The following SYCE1L variants were observed in gnomAD, a reference collection of about 807,000 sequenced individuals.
The protein encoded by SYCE1L is synaptonemal complex central element protein 1-like.
A neutral mutation model predicts 39.6 loss-of-function variants in SYCE1L; 51 were observed. The observed-to-expected ratio is 1.29, with a 90% CI of 1.03 to 1.63. The LOEUF is 1.63. Among genes scored for constraint, SYCE1L ranks in the 40% most tolerant of loss-of-function variants. SYCE1L has a pLI of 0.00. For synonymous variants in SYCE1L, 147 were observed against 122.4 expected (o/e 1.20, Z -1.33); for missense variants, 426 against 304.9 (o/e 1.40, Z -2.96).
chr16:77,212,501 G>C, intron 9 of SYCE1L, 73 bp from the exon 10 acceptor site: 1 of 1,538,834 alleles, frequency 6.5e-7, no homozygotes, highest in Non-Finnish European at 8.7e-7. Flanking sequence ...GGGTCTCCGC[G>C]TCTCGGTGGC....
chr16:77,212,144 A>G lies in SYCE1L; in HGVS notation c.438A>G (p.Arg146=), dbSNP rs1220581631. 9 of 1,548,668 alleles carry G rather than the reference A, an allele frequency of 5.8e-6. No individual in the cohort carries two copies. Among genetic ancestry groups the G allele is most frequent in the Middle Eastern group, 1.9e-4 (1 of 5,210 alleles). ...TGTCCTCGCAGATGCTGGAGCAGCG[A>G]CTGGCCCGGGAGATCCGTGCCCTGG... is the stretch of plus-strand genomic sequence containing the variant. ...DLWEFHMLEQ[R]LAREIRALER... Residue 146 remains arginine (R), a synonymous_variant, in exon 8 of 11, where the codon CGA becomes CGG. Transcript: ENST00000378644.
intron 2 of SYCE1L, among the ~76,000 whole-genome samples, 153 bp downstream of exon 2, chr16:77,206,653 G>T (rs1344356804): frequency 6.6e-6 from 1 of 152,028 alleles, no homozygotes; most frequent in Non-Finnish European, 1.5e-5. Flanking sequence ...CAAGAATACA[G>T]TCCCACAGTT....
intron 7 of SYCE1L, 21 bp from the exon 8 acceptor site, chr16:77,212,109 G>C: frequency 1.9e-6 from 3 of 1,544,824 alleles, no homozygotes; most frequent in Non-Finnish European, 2.6e-6. Flanking sequence ...AAACGGGGAG[G>C]CCTCCTCTTT....
intron 4 of SYCE1L, 115 bp from the exon 5 acceptor site, chr16:77,208,982 C>T (rs1398781532): frequency 8.7e-7 from 1 of 1,151,576 alleles, no homozygotes; most frequent in Non-Finnish European, 1.3e-6. Flanking sequence ...CAAGAAGATA[C>T]CTCACCTCTC....
At chr16:77,208,328 AT>A (rs1411597957) in intron 3 of SYCE1L, 59 bp downstream of exon 3, 3 of 1,545,218 alleles carry the variant, frequency 1.9e-6, no homozygotes, top group Non-Finnish European at 2.6e-6. Flanking sequence ...TGGATTTATA[AT>A]GAATCCACCT....
chr16:77,208,467 A>G lies in SYCE1L; in HGVS notation c.184A>G (p.Lys62Glu). ...GTCTTTTTCCCTTCTTGGCCCAGCA[A>G]AGAAGAAATCCAGTGAGGAACTGAG... The part of the protein sequence containing the change: ...ISRINDLQQA[K>E]KKSSEELRET... Residue 62 changes from lysine to glutamate, a missense_variant and splice_region_variant, in exon 4 of 11, where the codon AAG becomes GAG. Physicochemically the swap from Lys to Glu is moderately conservative, Grantham distance 56 (BLOSUM62 1). Coordinates refer to ENST00000378644, the MANE Select transcript of SYCE1L (RefSeq NM_001129979.3). 6.4e-7 allele frequency: 1 copy of G among 1,551,726 alleles called. No individual in the cohort carries two copies. Among genetic ancestry groups the G allele is most frequent in the East Asian group, 2.4e-5 (1 of 40,922 alleles).
chr16:77,202,226 G>A (rs946671015), intron 1 of SYCE1L: 4 of 152,158 alleles, frequency 2.6e-5, no homozygotes, highest in Non-Finnish European at 5.9e-5. Context: ...TTGTATATAG[G>A]AAATAGACAC....
chr16:77,206,350 T>G (rs1161758170), intron 1 of SYCE1L, 91 bp from the exon 2 acceptor site: 1 of 1,118,398 alleles, frequency 8.9e-7, no homozygotes, highest in Non-Finnish European at 1.3e-6. Flanking sequence ...AGCCCACGGG[T>G]GTCTGCAGAG....
chr16:77,205,044 C>CA lies in SYCE1L; in HGVS notation c.62-1381dup, dbSNP rs1451754899. Among the ~76,000 whole-genome samples, 38 of 123,258 alleles carry CA rather than the reference C, an allele frequency of 3.1e-4. 2 individuals are homozygous for CA. The highest frequency in any genetic ancestry group is 4.2e-4 in the Non-Finnish European group (25 of 60,048). 80.9% of individuals were successfully genotyped at this position (123,258 alleles called of 152,430 possible). On this transcript the variant is annotated intron_variant, in intron 1 of 10. Coordinates refer to ENST00000378644, the MANE Select transcript of SYCE1L (RefSeq NM_001129979.3). ...TGGGTGACAAAGCGAGACTCCATCT[C>CA]AAAAAAAAAAAAAAAAGAAAAGAAA...
chr16:77,212,554 C>T lies in SYCE1L; in HGVS notation c.582-20C>T, dbSNP rs780771366. The T allele has an allele frequency of 7.8e-6, 12 of 1,536,996 alleles. No homozygotes were observed. In the South Asian group the frequency reaches 1.3e-4, roughly 17 times the overall value. On this transcript the variant is annotated intron_variant, in intron 9 of 10. Coordinates refer to ENST00000378644, the MANE Select transcript of SYCE1L (RefSeq NM_001129979.3). ...GACTCTCGCTCTCTTCCTCCTGTCT[C>T]CTCGGCCCCTTCTCCGCAGGCTGAA...
At chr16:77,208,395 T>C (rs1455373180) in intron 3 of SYCE1L, 70 bp from the exon 4 acceptor site, 1 of 1,545,544 alleles carries the variant, frequency 6.5e-7, no homozygotes, top group African/African-American at 1.4e-5. Flanking sequence ...CTGTGCAATG[T>C]CATATTTGCG....
chr16:77,212,157 A>T lies in SYCE1L; in HGVS notation c.451A>T (p.Ile151Phe), dbSNP rs766437582. ...HMLEQRLARE[I>F]RALERSKEQL... The stretch of plus-strand genomic sequence containing the variant: ...GCTGGAGCAGCGACTGGCCCGGGAG[A>T]TCCGTGCCCTGGAGAGAAGCAAGGA... Residue 151 changes from isoleucine to phenylalanine, a missense_variant, in exon 8 of 11, where the codon ATC (isoleucine) becomes TTC (phenylalanine). Ile to Phe is a conservative substitution (Grantham distance 21, BLOSUM62 0). Transcript: ENST00000378644. 1 of 1,548,824 alleles carries T rather than the reference A, an allele frequency of 6.5e-7. No homozygotes were observed. The highest frequency in any genetic ancestry group is 8.7e-7 in the Non-Finnish European group (1 of 1,146,414).
intron 6 of SYCE1L, among the ~76,000 whole-genome samples, chr16:77,210,733 T>C (rs938717330): frequency 2.0e-5 from 3 of 152,000 alleles, no homozygotes; most frequent in Non-Finnish European, 4.4e-5. Flanking sequence ...GGGGACAGGA[T>C]GGACAGGGTA....
rs1308975167 is a variant in SYCE1L at position 77,209,266 on chromosome 16, G to T, written c.304+122G>T. ...GGCAGGGTGCTTCCCTCTCTGCACA[G>T]ATCTCTTCCTGGATTGCTACATCAC... On this transcript the variant is annotated intron_variant, in intron 5 of 10. Coordinates refer to ENST00000378644, the MANE Select transcript of SYCE1L (RefSeq NM_001129979.3). 5.2e-6 allele frequency: 7 copies of T among 1,347,738 alleles called. No individual in the cohort carries two copies. In the African/African-American group the frequency reaches 1.0e-4, roughly 20 times the overall value. The allele number at this position is 1,347,738 out of a possible 1,614,324, so 83.5% of individuals were successfully genotyped here. A position where few individuals can be genotyped will look rare whatever the true frequency, so the allele number is the denominator to read the frequency against.
intron 1 of SYCE1L, among the ~76,000 whole-genome samples, chr16:77,205,056 A>AAAAAAAAAAAAG (rs1471925292): frequency 7.8e-5 from 11 of 140,736 alleles, no homozygotes; most frequent in East Asian, 2.2e-4. Context: ...AAAAAAAAAA[A>AAAAAAAAAAAAG]AAAAGAAAAG....
chr16:77,211,390 T>A, intron 7 of SYCE1L, 114 bp downstream of exon 7: 1 of 1,257,178 alleles, frequency 8.0e-7, no homozygotes, highest in Non-Finnish European at 1.1e-6. Flanking sequence ...TAGTCCTTGA[T>A]TCCTTGCTTC....
chr16:77,212,142 C>T lies in SYCE1L; in HGVS notation c.436C>T (p.Arg146Ter), dbSNP rs1489491229. The change falls in exon 8 of 11, where the codon CGA becomes TGA. Residue 146 changes from arginine to a stop codon, truncating the protein, a stop_gained. Coordinates refer to ENST00000378644, the MANE Select transcript of SYCE1L (RefSeq NM_001129979.3). LOFTEE classifies it high-confidence loss of function. ...TTTGTCCTCGCAGATGCTGGAGCAGCGACTGGCCCGGGAGATCCGTGCCCT... is the reference window on the plus strand; with the variant it reads ...TTTGTCCTCGCAGATGCTGGAGCAGTGACTGGCCCGGGAGATCCGTGCCCT... Reference protein sequence around the residue: ...DLWEFHMLEQRLAREIRALER... With the variant: ...DLWEFHMLEQ The T allele has an allele frequency of 1.3e-6, 2 of 1,548,436 alleles. No individual in the cohort carries two copies. The highest frequency in any genetic ancestry group is 1.4e-5 in the African/African-American group (1 of 73,036).
chr16:77,207,076 C>A lies in SYCE1L; in HGVS notation c.121+576C>A, dbSNP rs151054584. ...TGTGGCTGCCTGCAGAAGAAGTGCACTGGGACTGCTGCCTACGGTAAAATT... is the reference window on the plus strand; with the variant it reads ...TGTGGCTGCCTGCAGAAGAAGTGCAATGGGACTGCTGCCTACGGTAAAATT... On this transcript the variant is annotated intron_variant, in intron 2 of 10. Coordinates refer to ENST00000378644, the MANE Select transcript of SYCE1L (RefSeq NM_001129979.3). Among the ~76,000 whole-genome samples, 420 of 152,302 alleles carry A rather than the reference C, an allele frequency of 2.8e-3. 1 individual carries two copies. The highest frequency in any genetic ancestry group is 3.7e-3 in the Non-Finnish European group (250 of 68,018).
intron 2 of SYCE1L, among the ~76,000 whole-genome samples, chr16:77,207,897 C>A (rs2054796485): frequency 6.6e-6 from 1 of 152,152 alleles, no homozygotes; most frequent in Admixed American, 6.5e-5. Flanking sequence ...GACCTGCTTC[C>A]TTCTTCTCAT....
Sources: gnomAD v4.1 joint callset for allele counts (sites outside exome capture counted in the v4.1 genomes callset) on GRCh38, gnomAD v4.1.1 for gene constraint, MANE v1.5 for transcripts, NCBI Gene and HGNC (gene_info 2026-07-23, HGNC 2026-07-21) for gene names.